The following SHQ1 variants were observed in gnomAD, a reference collection of about 807,000 sequenced individuals.
SHQ1 encodes the protein protein SHQ1 homolog.
Under a neutral mutation model 53.8 loss-of-function variants are expected in SHQ1, and 49 were observed. The ratio of observed to expected loss-of-function variants is 0.91; its 90% CI spans 0.72 to 1.16. The LOEUF (loss-of-function observed/expected upper bound fraction) is 1.16, where lower values mean the gene tolerates loss of function less well. Ranked by LOEUF, SHQ1 falls within the 50% of genes most tolerant of loss-of-function variation. The pLI is 0.00. For synonymous variants in SHQ1, 243 were observed against 251.0 expected (o/e 0.97, Z 0.30); for missense variants, 738 against 683.1 (o/e 1.08, Z -0.90).
intron 10 of SHQ1, among the ~76,000 whole-genome samples, chr3:72,751,317 G>T (rs28669731): frequency 0.086 from 13,103 of 151,784 alleles, 1,690 homozygotes; most frequent in African/African-American, 0.28. Flanking sequence ...GTGGAGGGGG[G>T]GCTGAGGCAG....
chr3:72,798,944 A>C (rs920193102), intron 9 of SHQ1, among the ~76,000 whole-genome samples: 7 of 152,136 alleles, frequency 4.6e-5, no homozygotes, highest in Non-Finnish European at 7.3e-5. Context: ...GTTTTGAGTT[A>C]CCCAAGACAA....
chr3:72,844,478 G>A (rs746238087), intron 1 of SHQ1, 55 bp from the exon 2 acceptor site: 18 of 1,345,840 alleles, frequency 1.3e-5, no homozygotes, highest in Non-Finnish European at 1.9e-5. Context: ...TAACATAAGT[G>A]GCCATCAATA....
intron 7 of SHQ1, among the ~76,000 whole-genome samples, chr3:72,816,829 G>C (rs1328975560): frequency 6.6e-6 from 1 of 152,116 alleles, no homozygotes; most frequent in Non-Finnish European, 1.5e-5. Context: ...GCCATATTTT[G>C]CATCTGCTGA....
intron 6 of SHQ1, among the ~76,000 whole-genome samples, chr3:72,823,808 A>G (rs1461983917): frequency 6.6e-6 from 1 of 152,202 alleles, no homozygotes; most frequent in Non-Finnish European, 1.5e-5. Context: ...TATTCCATTT[A>G]ATACTCTTCA....
chr3:72,817,648 ACTGTT>A (rs1340434570), intron 6 of SHQ1, among the ~76,000 whole-genome samples: 1 of 152,090 alleles, frequency 6.6e-6, no homozygotes. Context: ...TTTTTGCTAC[ACTGTT>A]CTGTACTTAA....
At chr3:72,796,101 C>CAAAAAAAA (rs555086403) in intron 9 of SHQ1, among the ~76,000 whole-genome samples, 3 of 40,516 alleles carry the variant, frequency 7.4e-5, no homozygotes, top group Admixed American at 2.6e-4. Flanking sequence ...GACTCCATCT[C>CAAAAAAAA]AAAAAAAAAA....
At chr3:72,740,867 C>T in the SHQ1 span, among the ~76,000 whole-genome samples, 1 of 152,040 alleles carries the variant, frequency 6.6e-6, no homozygotes, top group Non-Finnish European at 1.5e-5. Context: ...ATCCTCCTAA[C>T]TCACACTTCC....
chr3:72,729,395 G>A, the SHQ1 span, among the ~76,000 whole-genome samples: 8 of 152,272 alleles, frequency 5.3e-5, no homozygotes, highest in South Asian at 2.1e-4. Context: ...GCCGCTGCTC[G>A]TGCTGCCTCC....
At position 72,832,500 on chromosome 3, in the gene SHQ1, G is replaced by T; in HGVS notation, c.487-19C>A. The T allele has an allele frequency of 6.5e-7, 1 of 1,527,752 alleles. No homozygotes were observed. The highest frequency in any genetic ancestry group is 1.2e-5 in the South Asian group (1 of 84,412). The allele number at this position is 1,527,752 out of a possible 1,614,324, so 94.6% of individuals were successfully genotyped here. A position where few individuals can be genotyped will look rare whatever the true frequency, so the allele number is the denominator to read the frequency against. ...GTTCATCCTGAGGACACCCAGAAAA[G>T]AAAGAATAATTGCTATCTCCTATTT... On this transcript the variant is annotated intron_variant, in intron 4 of 10. Transcript: ENST00000325599.
intron 10 of SHQ1, among the ~76,000 whole-genome samples, chr3:72,777,214 G>C (rs1705975837): frequency 6.6e-6 from 1 of 152,168 alleles, no homozygotes; most frequent in Non-Finnish European, 1.5e-5. Flanking sequence ...CTACAGCATT[G>C]AGATTAAAAA....
chr3:72,811,141 G>C (rs1053633003), intron 9 of SHQ1, among the ~76,000 whole-genome samples: 13 of 152,128 alleles, frequency 8.5e-5, no homozygotes, highest in African/African-American at 3.1e-4. Context: ...TTACTTCCCA[G>C]AATAAAAAGT....
intron 6 of SHQ1, among the ~76,000 whole-genome samples, chr3:72,822,759 T>C (rs1449545026): frequency 1.3e-5 from 2 of 152,170 alleles, no homozygotes; most frequent in Non-Finnish European, 2.9e-5. Flanking sequence ...ACCTGAAAAT[T>C]TGTCTATATA....
intron 10 of SHQ1, among the ~76,000 whole-genome samples, chr3:72,764,163 G>A (rs1183101125): frequency 6.9e-6 from 1 of 145,482 alleles, no homozygotes; most frequent in Non-Finnish European, 1.5e-5. Flanking sequence ...ATGTACCCCT[G>A]TTACAAACCC....
intron 10 of SHQ1, among the ~76,000 whole-genome samples, chr3:72,778,704 T>C (rs1359201349): frequency 6.6e-6 from 1 of 152,102 alleles, no homozygotes; most frequent in Non-Finnish European, 1.5e-5. Context: ...GTTCATTAAA[T>C]AATAAAGGCA....
Position 72,810,411 on chromosome 3 carries a change from C to A in SHQ1, c.1060+2260G>T, listed in dbSNP as rs759912244. ...AGTCACATGAGGCAAATTCCTGGCT[C>A]TTTGAAAACTCAGATCTTAGTCAAT... On this transcript the variant is annotated intron_variant, in intron 9 of 10. Coordinates refer to ENST00000325599, the MANE Select transcript of SHQ1 (RefSeq NM_018130.3). Among the ~76,000 whole-genome samples the A allele has an allele frequency of 1.4e-4, 22 of 152,188 alleles. 1 individual carries two copies. The highest frequency in any genetic ancestry group is 1.2e-3 in the Admixed American group (19 of 15,290).
chr3:72,788,206 G>C (rs185686302), intron 10 of SHQ1, among the ~76,000 whole-genome samples: 1 of 146,076 alleles, frequency 6.8e-6, no homozygotes, highest in African/African-American at 2.6e-5. Flanking sequence ...CCCTCTGCCC[G>C]GCCGCCCAGT....
intron 9 of SHQ1, among the ~76,000 whole-genome samples, chr3:72,806,031 A>C (rs1559680989): frequency 6.6e-6 from 1 of 152,190 alleles, no homozygotes. Flanking sequence ...TCTTTCCTTT[A>C]ATGTTTACGT....
At chr3:72,836,578 A>T (rs981367138) in intron 4 of SHQ1, among the ~76,000 whole-genome samples, 1 of 152,146 alleles carries the variant, frequency 6.6e-6, no homozygotes, top group African/African-American at 2.4e-5. Context: ...TGCAACATGT[A>T]CACAGCAGAA....
At chr3:72,732,330 C>A in the SHQ1 span, among the ~76,000 whole-genome samples, 1 of 150,316 alleles carries the variant, frequency 6.7e-6, no homozygotes, top group African/African-American at 2.5e-5. Flanking sequence ...GACCTTCAGT[C>A]ATGCAAGCCA....
Sources: allele counts gnomAD v4.1 joint callset (sites outside exome capture counted in the v4.1 genomes callset), GRCh38; gene constraint gnomAD v4.1.1; transcripts MANE v1.5; gene names NCBI Gene and HGNC (gene_info 2026-07-23, HGNC 2026-07-21).